Variants in PARD3 observed in about 807,000 individuals in gnomAD.
PARD3 encodes partitioning defective 3 homolog.
A neutral mutation model predicts 155.4 loss-of-function variants in PARD3; 75 were observed. That is an observed-to-expected ratio of 0.48 (90% CI 0.40 to 0.58). PARD3 has a LOEUF of 0.58. PARD3 is among the 20% of genes least tolerant of loss of function. PARD3 has a pLI of 0.00. For synonymous variants in PARD3, 576 were observed against 610.5 expected, an observed-to-expected ratio of 0.94 and a Z score of 0.83; for missense variants, 1,642 against 1,721.7, an observed-to-expected ratio of 0.95 and a Z score of 0.82.
At chr10:34,357,337 T>C (rs1022309194) in intron 14 of PARD3, among the ~76,000 whole-genome samples, 4 of 152,220 alleles carry the variant, frequency 2.6e-5, no homozygotes, top group African/African-American at 9.6e-5. Context: ...CGTTGTCCAG[T>C]AGAATGCATG....
intron 11 of PARD3, among the ~76,000 whole-genome samples, chr10:34,374,129 T>C (rs1383742279): frequency 6.6e-6 from 1 of 152,136 alleles, no homozygotes; most frequent in African/African-American, 2.4e-5. Flanking sequence ...AGGCAACTCC[T>C]CCAATTATGT....
chr10:34,242,409 A>G (rs1378350228), intron 22 of PARD3, among the ~76,000 whole-genome samples: 1 of 152,108 alleles, frequency 6.6e-6, no homozygotes, highest in Non-Finnish European at 1.5e-5. Context: ...CATCCGTAAA[A>G]GGAAAGACGA....
intron 2 of PARD3, among the ~76,000 whole-genome samples, chr10:34,684,367 C>T (rs2093902991): frequency 6.6e-6 from 1 of 152,164 alleles, no homozygotes; most frequent in South Asian, 2.1e-4. Flanking sequence ...TGACTTTTCA[C>T]AGATTTATAT....
At chr10:34,283,955 G>GTT (rs1043744894) in intron 21 of PARD3, among the ~76,000 whole-genome samples, 180 bp downstream of exon 21, 5 of 141,552 alleles carry the variant, frequency 3.5e-5, no homozygotes, top group Admixed American at 1.4e-4. Context: ...TACATATAAG[G>GTT]TTTTTTTTTT....
chr10:34,445,256 G>A (rs2076679141), intron 5 of PARD3, among the ~76,000 whole-genome samples: 1 of 152,216 alleles, frequency 6.6e-6, no homozygotes, highest in Admixed American at 6.5e-5. Context: ...TAGATTTCTA[G>A]TGTATAAAGC....
intron 5 of PARD3, among the ~76,000 whole-genome samples, chr10:34,428,696 G>A (rs115771330): frequency 0.011 from 1,654 of 152,296 alleles, 18 homozygotes; most frequent in African/African-American, 0.03. Context: ...AAAAGGGCCA[G>A]GAAGGATTAT....
intron 21 of PARD3, among the ~76,000 whole-genome samples, chr10:34,272,438 T>G (rs563573047): frequency 6.6e-5 from 10 of 152,288 alleles, no homozygotes; most frequent in Admixed American, 5.9e-4. Context: ...CAGGAAATAT[T>G]TTTTAAAACA....
At chr10:34,172,822 G>T (rs897101271) in intron 22 of PARD3, among the ~76,000 whole-genome samples, 1 of 148,930 alleles carries the variant, frequency 6.7e-6, no homozygotes, top group African/African-American at 2.5e-5. Context: ...CTGCTAAAAA[G>T]GTACAGATAA....
intron 14 of PARD3, among the ~76,000 whole-genome samples, chr10:34,350,464 A>C (rs1589264115): frequency 6.6e-6 from 1 of 152,130 alleles, no homozygotes; most frequent in African/African-American, 2.4e-5. Flanking sequence ...TGAAACACCA[A>C]ATATACTAAA....
intron 2 of PARD3, among the ~76,000 whole-genome samples, chr10:34,613,487 T>C (rs117195394): frequency 8.5e-5 from 13 of 152,310 alleles, no homozygotes; most frequent in Non-Finnish European, 1.6e-4. Context: ...AGTAGCCCAA[T>C]GGTAAAATCA....
intron 12 of PARD3, among the ~76,000 whole-genome samples, chr10:34,372,148 T>C (rs1331530286): frequency 1.3e-5 from 2 of 152,134 alleles, no homozygotes; most frequent in Non-Finnish European, 2.9e-5. Flanking sequence ...TCAAGTTTTT[T>C]AACTTTTCTT....
At chr10:34,248,456 T>C (rs1269738331) in intron 22 of PARD3, among the ~76,000 whole-genome samples, 1 of 152,212 alleles carries the variant, frequency 6.6e-6, no homozygotes, top group East Asian at 1.9e-4. Flanking sequence ...TCATGATGCA[T>C]GGCAAGAACA....
intron 3 of PARD3, among the ~76,000 whole-genome samples, chr10:34,502,005 T>C (rs1164689207): frequency 6.6e-6 from 1 of 152,150 alleles, no homozygotes; most frequent in Non-Finnish European, 1.5e-5. Context: ...CCTCCCACCA[T>C]GTAAAGACAT....
At chr10:34,368,438 C>T (rs1487807883) in intron 12 of PARD3, among the ~76,000 whole-genome samples, 6 of 151,918 alleles carry the variant, frequency 3.9e-5, no homozygotes, top group Admixed American at 1.3e-4. Flanking sequence ...TTTGGGAGGC[C>T]GAGGCAGGTG....
At chr10:34,118,392 G>A (rs552834096) in intron 24 of PARD3, among the ~76,000 whole-genome samples, 1 of 152,276 alleles carries the variant, frequency 6.6e-6, no homozygotes, top group East Asian at 1.9e-4. Context: ...TGTCACCCAG[G>A]CAAGTGCAGT....
intron 1 of PARD3, among the ~76,000 whole-genome samples, chr10:34,712,931 G>A (rs762282788): frequency 9.9e-5 from 15 of 152,136 alleles, no homozygotes; most frequent in South Asian, 8.3e-4. Flanking sequence ...AGCTGAGGCC[G>A]GGCGCAGTGG....
intron 5 of PARD3, among the ~76,000 whole-genome samples, chr10:34,421,648 C>T (rs1263874698): frequency 6.6e-6 from 1 of 152,062 alleles, no homozygotes; most frequent in Admixed American, 6.6e-5. Flanking sequence ...AATTCCCACC[C>T]TGAATCATTC....
At position 34,405,035 on chromosome 10, in the gene PARD3, G is replaced by C. The variant is rs191435875; in HGVS notation, c.715-3118C>G. On this transcript the variant is annotated intron_variant, in intron 5 of 24. Transcript: ENST00000374788. The stretch of plus-strand genomic sequence containing the variant: ...GTAAGCTATGACCATGCATGCCACT[G>C]CACTCCAGCCTGGGTGACAGAGTGA... Among the ~76,000 whole-genome samples the C allele has an allele frequency of 9.4e-4, 143 of 151,338 alleles. 1 individual carries two copies. The highest frequency in any genetic ancestry group is 3.4e-3 in the Middle Eastern group (1 of 294).
intron 22 of PARD3, among the ~76,000 whole-genome samples, chr10:34,172,199 TGGGCTTAGATATAAAA>T (rs1554801345): frequency 6.6e-6 from 1 of 152,116 alleles, no homozygotes; most frequent in Non-Finnish European, 1.5e-5. Flanking sequence ...TGAATTCATA[TGGGCTTAGATATAAAA>T]GGGAAAATAG....
Sources: allele counts gnomAD v4.1 joint callset (sites outside exome capture counted in the v4.1 genomes callset), GRCh38; gene constraint gnomAD v4.1.1; transcripts MANE v1.5; gene names NCBI Gene and HGNC (gene_info 2026-07-23, HGNC 2026-07-21).